FHAD1: variants seen among roughly 807,000 people sequenced by gnomAD.
FHAD1 encodes the protein forkhead-associated domain-containing protein 1.
FHAD1 carries 146 observed loss-of-function variants against 191.3 expected under a neutral mutation model. The observed-to-expected ratio is 0.76, with a 90% CI of 0.67 to 0.88. The LOEUF is 0.88. Among genes scored for constraint, FHAD1 ranks in the 40% least tolerant of loss-of-function variants. FHAD1 has a pLI of 0.00. For missense variants in FHAD1, 1,635 were observed against 1,785.8 expected, an observed-to-expected ratio of 0.92 and a Z score of 1.52; for synonymous variants, 616 against 672.3, an observed-to-expected ratio of 0.92 and a Z score of 1.29.
chr1:15,392,827 C>T (rs549713420), intron 33 of FHAD1, among the ~76,000 whole-genome samples: 11 of 152,012 alleles, frequency 7.2e-5, no homozygotes, highest in African/African-American at 2.7e-4. Flanking sequence ...GTCTTTTGTT[C>T]GTGGGCTATA....
intron 1 of FHAD1, among the ~76,000 whole-genome samples, chr1:15,239,921 T>C (rs1645165854): frequency 6.6e-6 from 1 of 152,202 alleles, no homozygotes; most frequent in African/African-American, 2.4e-5. Flanking sequence ...TCAGCACCTC[T>C]ATTCCTAGGT....
chr1:15,378,066 G>A (rs1700070113), intron 28 of FHAD1, among the ~76,000 whole-genome samples: 1 of 152,202 alleles, frequency 6.6e-6, no homozygotes, highest in Admixed American at 6.5e-5. Flanking sequence ...CACTTTGGGA[G>A]GCCGAGGCAG....
Position 15,289,523 on chromosome 1 carries a change from C to T in FHAD1, c.425C>T (p.Ala142Val), listed in dbSNP as rs1663730166. Residue 142 changes from alanine (A) to valine (V), a missense_variant, in exon 4 of 34, where the codon GCA becomes GTA. Coordinates refer to ENST00000688493, the MANE Select transcript of FHAD1 (RefSeq NM_001391957.1). The surrounding 1 kb of genome is among the most constrained non-coding windows in gnomAD (Gnocchi z 4.2). ...HIPFHQGVQP[A>V]PMQRSWSQAF... ...CCCTTCCACCAAGGTGTCCAGCCAG[C>T]ACCGATGCAAAGGAGCTGGTCCCAG... 6.4e-7 allele frequency: 1 copy of T among 1,551,916 alleles called. No homozygotes were observed. Among genetic ancestry groups the T allele is most frequent in the African/African-American group, 1.4e-5 (1 of 73,194 alleles).
At chr1:15,385,129 CT>C (rs57163623) in intron 31 of FHAD1, among the ~76,000 whole-genome samples, 38,773 of 142,804 alleles carry the variant, frequency 0.27, 5,239 homozygotes, top group African/African-American at 0.37. Context: ...GGGGGAAAAT[CT>C]TTTTTTTTTT....
chr1:15,257,477 C>T (rs1185192357), intron 2 of FHAD1, among the ~76,000 whole-genome samples: 1 of 152,234 alleles, frequency 6.6e-6, no homozygotes, highest in African/African-American at 2.4e-5. Context: ...AAGAAGCAGG[C>T]CTGGGGGATG....
intron 4 of FHAD1, among the ~76,000 whole-genome samples, chr1:15,293,057 A>C (rs910200827): frequency 6.6e-6 from 1 of 152,236 alleles, no homozygotes; most frequent in South Asian, 2.1e-4. Flanking sequence ...GGAGATGACT[A>C]TATAGGGGCA....
chr1:15,274,596 A>G (rs369853362), intron 3 of FHAD1, among the ~76,000 whole-genome samples: 27 of 139,934 alleles, frequency 1.9e-4, no homozygotes, highest in African/African-American at 6.5e-4. Flanking sequence ...TGGGTGACAG[A>G]GCAAGACTCC....
At chr1:15,395,872 G>A (rs1705782345) in intron 33 of FHAD1, among the ~76,000 whole-genome samples, 1 of 152,114 alleles carries the variant, frequency 6.6e-6, no homozygotes, top group South Asian at 2.1e-4. Flanking sequence ...TTCTTCCAGT[G>A]TGGCCCAGGG....
At chr1:15,359,971 A>G (rs1328146901) in intron 21 of FHAD1, among the ~76,000 whole-genome samples, 16 of 150,160 alleles carry the variant, frequency 1.1e-4, no homozygotes, top group African/African-American at 2.7e-4. Context: ...AAATTAGCTG[A>G]GTGTGTTGGC....
At chr1:15,274,044 T>A (rs934457959) in intron 3 of FHAD1, among the ~76,000 whole-genome samples, 3 of 152,206 alleles carry the variant, frequency 2.0e-5, no homozygotes, top group Non-Finnish European at 2.9e-5. Context: ...GTCCTCAAGG[T>A]TCATCCATGT....
chr1:15,346,051 C>T (rs1445739917), intron 18 of FHAD1, among the ~76,000 whole-genome samples: 1 of 152,148 alleles, frequency 6.6e-6, no homozygotes, highest in Non-Finnish European at 1.5e-5. Flanking sequence ...CCCCTGCGCT[C>T]CCACAAGATA....
At chr1:15,250,093 C>T (rs72863138) in intron 1 of FHAD1, among the ~76,000 whole-genome samples, 1,696 of 152,262 alleles carry the variant, frequency 0.011, 27 homozygotes, top group African/African-American at 0.038. Context: ...CCCGAGAGTC[C>T]GTACCACCAC....
At chr1:15,241,425 G>A (rs748224304) in intron 1 of FHAD1, among the ~76,000 whole-genome samples, 22 of 152,120 alleles carry the variant, frequency 1.4e-4, no homozygotes, top group Non-Finnish European at 2.9e-4. Context: ...GAGGTGAGGC[G>A]GGTGGATCAC....
In FHAD1 at chr1:15,289,498, C is replaced by A. The variant is rs1273660312; in HGVS notation, c.400C>A (p.Pro134Thr). Reference protein sequence around the residue: ...PNQAPPPSHIPFHQGVQPAPM... With the variant: ...PNQAPPPSHITFHQGVQPAPM... Reference sequence around the variant, plus strand: ...CCAGGCCCCCCCACCATCACATATCCCCTTCCACCAAGGTGTCCAGCCAGC... The same window carrying A: ...CCAGGCCCCCCCACCATCACATATCACCTTCCACCAAGGTGTCCAGCCAGC... Residue 134 changes from proline to threonine, a missense_variant, in exon 4 of 34, where the codon CCC becomes ACC. By Grantham distance (38) the Pro-to-Thr change is conservative. Coordinates refer to ENST00000688493, the MANE Select transcript of FHAD1 (RefSeq NM_001391957.1). The surrounding 1 kb of genome is among the most constrained non-coding windows in gnomAD (Gnocchi z 4.2). 3 of 1,551,884 alleles carry A rather than the reference C, an allele frequency of 1.9e-6. No individual in the cohort carries two copies. Among genetic ancestry groups the A allele is most frequent in the South Asian group, 2.4e-5 (2 of 84,064 alleles).
chr1:15,368,242 G>A (rs1697088833), intron 25 of FHAD1, among the ~76,000 whole-genome samples: 1 of 152,076 alleles, frequency 6.6e-6, no homozygotes, highest in African/African-American at 2.4e-5. Flanking sequence ...CCAAAGTGCT[G>A]GGATTACAGG....
intron 1 of FHAD1, among the ~76,000 whole-genome samples, chr1:15,238,383 G>T (rs1430960961): frequency 3.3e-5 from 5 of 152,146 alleles, no homozygotes; most frequent in African/African-American, 1.2e-4. Context: ...CCAACAGGGA[G>T]GCCTGCTGTT....
In FHAD1 at chr1:15,249,753, A is replaced by G. The variant is rs563726020; in HGVS notation, c.-14-2018A>G. ...AAAACAGTGACAACCCCACTATCCCAAGTGACAACCTCTCCCTCCCCCCAC... is the reference window on the plus strand; with the variant it reads ...AAAACAGTGACAACCCCACTATCCCGAGTGACAACCTCTCCCTCCCCCCAC... On this transcript the variant is annotated intron_variant, in intron 1 of 33. Coordinates refer to ENST00000688493, the MANE Select transcript of FHAD1 (RefSeq NM_001391957.1). Among the ~76,000 whole-genome samples the G allele has an allele frequency of 5.9e-5, 9 of 152,154 alleles. No individual in the cohort carries two copies. The South Asian group carries it at 1.9e-3, about 32-fold the overall frequency.
intron 14 of FHAD1, chr1:15,334,151 G>A (rs1434312021): frequency 6.6e-6 from 1 of 152,062 alleles, no homozygotes; most frequent in Non-Finnish European, 1.5e-5. Context: ...AAGAAACTGA[G>A]ACACAGTAAC....
At chr1:15,396,591 T>A (rs1054764123) in intron 33 of FHAD1, among the ~76,000 whole-genome samples, 1 of 151,884 alleles carries the variant, frequency 6.6e-6, no homozygotes, top group Non-Finnish European at 1.5e-5. Flanking sequence ...GGCAGATCAC[T>A]TGAGGTCAGG....
Sources: allele counts gnomAD v4.1 joint callset (sites outside exome capture counted in the v4.1 genomes callset), GRCh38; gene constraint gnomAD v4.1.1; non-coding constraint Gnocchi (gnomAD v3.1); transcripts MANE v1.5; gene names NCBI Gene and HGNC (gene_info 2026-07-23, HGNC 2026-07-21).